PRKCE: variants seen among roughly 807,000 people sequenced by gnomAD.
PRKCE encodes the protein protein kinase C epsilon type.
Under a neutral mutation model 85.4 loss-of-function variants are expected in PRKCE, and 16 were observed. That is an observed-to-expected ratio of 0.19 (90% confidence interval 0.13 to 0.28). The LOEUF is 0.28. Among genes scored for constraint, PRKCE ranks in the 10% least tolerant of loss-of-function variants. The pLI is 1.00. For missense variants in PRKCE, 573 were observed against 975.2 expected (o/e 0.59, Z 5.49); for synonymous variants, 388 against 371.5 (o/e 1.04, Z -0.51).
At chr2:46,125,986 G>A (rs144606703) in intron 11 of PRKCE, among the ~76,000 whole-genome samples, 183 of 152,306 alleles carry the variant, frequency 1.2e-3, no homozygotes, top group African/African-American at 4.0e-3. Flanking sequence ...TAAGCAGCAG[G>A]CTTGGACCGC....
chr2:46,054,082 C>T (rs1027849128), intron 10 of PRKCE, among the ~76,000 whole-genome samples: 10 of 152,268 alleles, frequency 6.6e-5, no homozygotes, highest in Middle Eastern at 3.4e-3. Flanking sequence ...TACTATTGTC[C>T]TCATGTAGGC....
chr2:46,103,639 C>T (rs183637703), intron 11 of PRKCE, among the ~76,000 whole-genome samples: 3 of 152,170 alleles, frequency 2.0e-5, no homozygotes, highest in African/African-American at 7.2e-5. Context: ...TGATGCCCTA[C>T]TGTTGCCCAG....
chr2:45,868,978 A>G (rs1010260443), intron 2 of PRKCE, among the ~76,000 whole-genome samples: 2 of 151,466 alleles, frequency 1.3e-5, no homozygotes, highest in Non-Finnish European at 2.9e-5. Context: ...AAAAAAGAAA[A>G]AAGAAAGAAA....
intron 10 of PRKCE, among the ~76,000 whole-genome samples, chr2:46,057,486 G>C (rs943805899): frequency 4.6e-5 from 7 of 151,182 alleles, no homozygotes; most frequent in African/African-American, 1.5e-4. Flanking sequence ...CCAGGCTGGA[G>C]TGCAGTGGCA....
intron 1 of PRKCE, among the ~76,000 whole-genome samples, chr2:45,726,165 C>T (rs899055023): frequency 2.6e-5 from 4 of 152,138 alleles, no homozygotes; most frequent in Non-Finnish European, 5.9e-5. Flanking sequence ...CTGTGAATAA[C>T]GTTGAAATGA....
chr2:45,685,512 A>G lies in PRKCE; in HGVS notation c.348+33064A>G, dbSNP rs566086979. ...GTCAGGGAAGTTAACAAAACAGGCC[A>G]GGTGTGGTGGCTCACAACTGTAATC... On this transcript the variant is annotated intron_variant, in intron 1 of 14. Coordinates refer to ENST00000306156, the MANE Select transcript of PRKCE (RefSeq NM_005400.3). The G allele has an allele frequency of 1.8e-3, 270 of 152,236 alleles. 1 individual carries two copies. The highest frequency in any genetic ancestry group is 6.3e-3 in the African/African-American group (262 of 41,502). The allele number at this position is 152,236 out of a possible 1,614,324, so 9.4% of individuals were successfully genotyped here.
At position 46,062,668 on chromosome 2, in the gene PRKCE, C is replaced by CTTTTTTTTT. The variant is rs71394871; in HGVS notation, c.1438-23523_1438-23515dup. Among the ~76,000 whole-genome samples, 98 of 73,302 alleles carry CTTTTTTTTT rather than the reference C, an allele frequency of 1.3e-3. 1 individual carries two copies. Among genetic ancestry groups the CTTTTTTTTT allele is most frequent in the African/African-American group, 1.5e-3 (25 of 16,808 alleles). 48.1% of individuals were successfully genotyped at this position (73,302 alleles called of 152,430 possible). ...GAGTTGAAGGGTATAAAAGCTCAGCCTTTTTTTTTTTTTTTTTTTTTTTTT... is the reference window on the plus strand; with the variant it reads ...GAGTTGAAGGGTATAAAAGCTCAGCCTTTTTTTTTTTTTTTTTTTTTTTTTTTTTTTTTT... On this transcript the variant is annotated intron_variant, in intron 10 of 14. Coordinates refer to ENST00000306156, the MANE Select transcript of PRKCE (RefSeq NM_005400.3).
At chr2:46,069,090 G>T (rs1667861110) in intron 10 of PRKCE, among the ~76,000 whole-genome samples, 1 of 152,224 alleles carries the variant, frequency 6.6e-6, no homozygotes, top group Non-Finnish European at 1.5e-5. Context: ...ACTGGGGCTT[G>T]GTTCCAAATG....
intron 1 of PRKCE, among the ~76,000 whole-genome samples, chr2:45,657,392 A>T (rs1040298723): frequency 3.3e-5 from 5 of 152,184 alleles, no homozygotes; most frequent in Admixed American, 6.5e-5. Context: ...AAAGTGGGTG[A>T]TAATAAATAT....
chr2:45,885,001 A>ATTTTTT (rs55883420), intron 2 of PRKCE, among the ~76,000 whole-genome samples: 5 of 71,544 alleles, frequency 7.0e-5, no homozygotes, highest in African/African-American at 5.8e-5. Flanking sequence ...ATATATATAT[A>ATTTTTT]TTTGTTGTTG....
chr2:45,754,177 G>T (rs1483998017), intron 1 of PRKCE, among the ~76,000 whole-genome samples: 5 of 152,218 alleles, frequency 3.3e-5, no homozygotes, highest in African/African-American at 4.8e-5. Flanking sequence ...CAGGTTTGAG[G>T]TAGGGTCTGT....
chr2:46,051,011 C>T (rs1365756737), intron 10 of PRKCE, among the ~76,000 whole-genome samples: 1 of 152,184 alleles, frequency 6.6e-6, no homozygotes, highest in Non-Finnish European at 1.5e-5. Context: ...CCCTCACCCC[C>T]AAATGAGAGA....
In PRKCE at chr2:45,839,095, C is replaced by G. The variant is rs1691133093; in HGVS notation, c.349-3905C>G. 2.6e-5 allele frequency among the ~76,000 whole-genome samples: 4 copies of G among 151,878 alleles called. No individual in the cohort carries two copies. In the South Asian group the frequency reaches 8.3e-4, roughly 32 times the overall value. On this transcript the variant is annotated intron_variant, in intron 1 of 14. Transcript: ENST00000306156. Reference sequence around the variant, plus strand: ...GGCCGCTAAGTTTGCTCTTACCCACCACGTGCAGAGTGTCTCCTGGGTGCT... The same window carrying G: ...GGCCGCTAAGTTTGCTCTTACCCACGACGTGCAGAGTGTCTCCTGGGTGCT...
At chr2:45,935,335 G>A (rs1167665124) in intron 2 of PRKCE, among the ~76,000 whole-genome samples, 1 of 152,046 alleles carries the variant, frequency 6.6e-6, no homozygotes, top group African/African-American at 2.4e-5. Context: ...AAAGATAAGT[G>A]GGGCAGAAGA....
chr2:46,105,473 T>G (rs1671632282), intron 11 of PRKCE, among the ~76,000 whole-genome samples: 1 of 150,730 alleles, frequency 6.6e-6, no homozygotes, highest in South Asian at 2.1e-4. Context: ...TTCACAATAG[T>G]GCTTACGTTT....
chr2:46,004,688 G>T lies in PRKCE; in HGVS notation c.1063+50G>T. On this transcript the variant is annotated intron_variant, in intron 8 of 14. Transcript: ENST00000306156. The surrounding 1 kb of genome is among the most constrained non-coding windows in gnomAD (Gnocchi z 4.1). ...GACCTCTGAGTTCTGCCATTGGATG[G>T]ACCAAGGAGCTCTGAGGCCTCTTTA... is the stretch of plus-strand genomic sequence containing the variant. 1 of 1,459,684 alleles carries T rather than the reference G, an allele frequency of 6.9e-7. No homozygotes were observed. The highest frequency in any genetic ancestry group is 9.3e-7 in the Non-Finnish European group (1 of 1,075,126). The allele number at this position is 1,459,684 out of a possible 1,614,324, so 90.4% of individuals were successfully genotyped here.
intron 2 of PRKCE, among the ~76,000 whole-genome samples, chr2:45,848,530 C>A (rs1036565824): frequency 6.6e-6 from 1 of 152,056 alleles, no homozygotes; most frequent in East Asian, 1.9e-4. Flanking sequence ...AGGCTGGTCT[C>A]GAACTCCTGA....
intron 6 of PRKCE, among the ~76,000 whole-genome samples, chr2:45,990,620 CAT>C (rs1703714289): frequency 6.6e-6 from 1 of 152,034 alleles, no homozygotes. Context: ...TTTTTTCTAA[CAT>C]AGCACTTATC....
intron 2 of PRKCE, among the ~76,000 whole-genome samples, chr2:45,961,003 G>C (rs1402490147): frequency 6.6e-6 from 1 of 152,226 alleles, no homozygotes; most frequent in Non-Finnish European, 1.5e-5. Flanking sequence ...ACACAGAGGG[G>C]CTGGAAGCAA....
Sources: gnomAD v4.1 joint callset for allele counts (sites outside exome capture counted in the v4.1 genomes callset) on GRCh38, gnomAD v4.1.1 for gene constraint, Gnocchi (gnomAD v3.1) non-coding constraint, MANE v1.5 for transcripts, NCBI Gene and HGNC (gene_info 2026-07-23, HGNC 2026-07-21) for gene names.